Variants in TOP3A observed in about 807,000 individuals in gnomAD.
TOP3A encodes the protein DNA topoisomerase III alpha.
Under a neutral mutation model 111.3 loss-of-function variants are expected in TOP3A, and 64 were observed. The ratio of observed to expected loss-of-function variants is 0.57; its 90% CI spans 0.47 to 0.71. The LOEUF (loss-of-function observed/expected upper bound fraction) is 0.71. Among genes scored for constraint, TOP3A ranks in the 30% least tolerant of loss-of-function variants. TOP3A has a pLI of 0.00. For missense variants in TOP3A, 1,104 were observed against 1,285.0 expected (o/e 0.86, Z 2.15); for synonymous variants, 484 against 485.1 (o/e 1.00, Z 0.03).
In TOP3A at chr17:18,273,761, C is replaced by G. The variant is rs999244142; in HGVS notation, c.*1041G>C. Among the ~76,000 whole-genome samples the G allele has an allele frequency of 6.6e-6, 1 of 152,146 alleles. No individual in the cohort carries two copies. Among genetic ancestry groups the G allele is most frequent in the Non-Finnish European group, 1.5e-5 (1 of 68,020 alleles). ...CCTCCCACTTCAGCCTCCTGAGCAGCTGAACTAAAGACGTGTACAACTGTG... is the reference window on the plus strand; with the variant it reads ...CCTCCCACTTCAGCCTCCTGAGCAGGTGAACTAAAGACGTGTACAACTGTG... On this transcript the variant is annotated 3_prime_UTR_variant, in exon 19 of 19. Transcript: ENST00000321105.
chr17:18,308,246 A>C (rs1178974877), intron 3 of TOP3A, 105 bp downstream of exon 3: 2 of 295,176 alleles, frequency 6.8e-6, no homozygotes, highest in Admixed American at 6.7e-5. Flanking sequence ...AAAAAAAAAA[A>C]AAAAAAAAAA....
chr17:18,306,788 T>G (rs1981604553), intron 4 of TOP3A, 103 bp downstream of exon 4: 2 of 801,734 alleles, frequency 2.5e-6, no homozygotes, highest in Non-Finnish European at 4.1e-6. Context: ...GTGACTTTGG[T>G]GGAAAACCTT....
intron 5 of TOP3A, among the ~76,000 whole-genome samples, chr17:18,304,773 T>TA (rs1352619612): frequency 1.3e-5 from 2 of 152,226 alleles, no homozygotes; most frequent in African/African-American, 4.8e-5. Context: ...AAAAAGAATA[T>TA]AAAGTCCCTG....
chr17:18,285,402 C>T lies in TOP3A; in HGVS notation c.1711+5G>A. 1 of 1,614,068 alleles carries T rather than the reference C, an allele frequency of 6.2e-7. No homozygotes were observed. Among genetic ancestry groups the T allele is most frequent in the Non-Finnish European group, 8.5e-7 (1 of 1,179,970 alleles). On this transcript the variant is annotated splice_donor_5th_base_variant and intron_variant, in intron 14 of 18. Coordinates refer to ENST00000321105, the MANE Select transcript of TOP3A (RefSeq NM_004618.5). ...CTACCCACTGCAAGCTCTGTCCTCC[C>T]TTACCTTCCACAAGTCCCATGCCCA... is the stretch of plus-strand genomic sequence containing the variant.
At chr17:18,298,018 G>T (rs537842660) in intron 9 of TOP3A, among the ~76,000 whole-genome samples, 1 of 151,284 alleles carries the variant, frequency 6.6e-6, no homozygotes, top group African/African-American at 2.4e-5. Context: ...GGGAAGTGAG[G>T]AGCGTCTCTG....
At chr17:18,281,784 C>T (rs1005678460) in intron 16 of TOP3A, among the ~76,000 whole-genome samples, 11 of 152,152 alleles carry the variant, frequency 7.2e-5, no homozygotes, top group Non-Finnish European at 1.3e-4. Context: ...CTTTCTTATT[C>T]AGCAGCAAGG....
intron 13 of TOP3A, among the ~76,000 whole-genome samples, chr17:18,288,246 G>A (rs1199562176): frequency 2.7e-5 from 4 of 148,516 alleles, no homozygotes; most frequent in African/African-American, 7.4e-5. Context: ...TCCACCTCCC[G>A]GGTTCAAGCA....
chr17:18,292,472 C>A (rs1039757177), intron 11 of TOP3A, among the ~76,000 whole-genome samples, 173 bp downstream of exon 11: 1 of 152,078 alleles, frequency 6.6e-6, no homozygotes, highest in South Asian at 2.1e-4. Flanking sequence ...GGGCCCACCA[C>A]GGGGAGGGAT....
At chr17:18,314,566 A>C (rs771491479) in intron 1 of TOP3A, 33 bp downstream of exon 1, 1 of 1,583,078 alleles carries the variant, frequency 6.3e-7, no homozygotes, top group Non-Finnish European at 8.6e-7. Flanking sequence ...GCCTCCCTTA[A>C]GGCACGCAGC....
chr17:18,282,067 G>A (rs1359987849), intron 16 of TOP3A, among the ~76,000 whole-genome samples: 2 of 152,114 alleles, frequency 1.3e-5, no homozygotes, highest in Non-Finnish European at 2.9e-5. Context: ...TCCTCCAGTG[G>A]CCAGCCACTG....
chr17:18,314,525 T>G, intron 1 of TOP3A, 74 bp downstream of exon 1: 1 of 1,482,528 alleles, frequency 6.7e-7, no homozygotes. Context: ...ATCTCGATTC[T>G]TGGCGCCCAC....
At chr17:18,280,296 G>A in intron 17 of TOP3A, 1 of 358,074 alleles carries the variant, frequency 2.8e-6, no homozygotes, top group Non-Finnish European at 5.1e-6. Context: ...CAGGGAAAGA[G>A]CCCTTCATGG....
intron 1 of TOP3A, among the ~76,000 whole-genome samples, chr17:18,311,227 C>T (rs550736699): frequency 5.9e-4 from 90 of 152,150 alleles, no homozygotes; most frequent in Middle Eastern, 3.4e-3. Context: ...GTCTCAATCT[C>T]TTGACCTCAT....
chr17:18,286,347 CAAAAAAA>C (rs57468944), intron 13 of TOP3A, among the ~76,000 whole-genome samples: 2 of 118,514 alleles, frequency 1.7e-5, no homozygotes, highest in African/African-American at 3.2e-5. Flanking sequence ...ACTAAAAATA[CAAAAAAA>C]AAAAAAAAAA....
chr17:18,282,669 G>A (rs1235219175), intron 16 of TOP3A, 29 bp downstream of exon 16: 2 of 1,612,216 alleles, frequency 1.2e-6, no homozygotes, highest in Non-Finnish European at 1.7e-6. Context: ...CTGGGGAGCA[G>A]AGGTGGGGGC....
Position 18,274,678 on chromosome 17 carries a change from C to T in TOP3A, c.*124G>A, listed in dbSNP as rs942489371. The T allele has an allele frequency of 3.4e-6, 5 of 1,470,358 alleles. No individual in the cohort carries two copies. In the African/African-American group the frequency reaches 7.2e-5, roughly 21 times the overall value. The allele number at this position is 1,470,358 out of a possible 1,614,324, so 91.1% of individuals were successfully genotyped here. A position where few individuals can be genotyped will look rare whatever the true frequency, so the allele number is the denominator to read the frequency against. ...CCCCTTAACACAAGAAGGCCCGACT[C>T]CAAAGGCCAACACTGTCCTCTAAGT... On this transcript the variant is annotated 3_prime_UTR_variant, in exon 19 of 19. Coordinates refer to ENST00000321105, the MANE Select transcript of TOP3A (RefSeq NM_004618.5).
At chr17:18,310,614 TGAG>T (rs1981853315) in intron 1 of TOP3A, among the ~76,000 whole-genome samples, 1 of 151,892 alleles carries the variant, frequency 6.6e-6, no homozygotes, top group Admixed American at 6.6e-5. Flanking sequence ...TGTGAGGGGC[TGAG>T]GAGAGGGTAA....
intron 7 of TOP3A, 78 bp from the exon 8 acceptor site, chr17:18,302,063 G>A: frequency 6.8e-7 from 1 of 1,468,490 alleles, no homozygotes; most frequent in Non-Finnish European, 9.4e-7. Context: ...AAGGTTTATT[G>A]TGGTGAAAGT....
Position 18,274,703 on chromosome 17 carries a change from T to C in TOP3A, c.*99A>G, listed in dbSNP as rs554316753. 29 of 1,522,638 alleles carry C rather than the reference T, an allele frequency of 1.9e-5. No individual in the cohort carries two copies. In the South Asian group the frequency reaches 3.7e-4, roughly 19 times the overall value. The allele number at this position is 1,522,638 out of a possible 1,614,324, so 94.3% of individuals were successfully genotyped here. A position where few individuals can be genotyped will look rare whatever the true frequency, so the allele number is the denominator to read the frequency against. On this transcript the variant is annotated 3_prime_UTR_variant, in exon 19 of 19. Transcript: ENST00000321105. ...CCAAAGGCCAACACTGTCCTCTAAG[T>C]TTCCAGGACACTAAATGGCCACTTG...
Sources: allele counts gnomAD v4.1 joint callset (sites outside exome capture counted in the v4.1 genomes callset), GRCh38; gene constraint gnomAD v4.1.1; transcripts MANE v1.5; gene names NCBI Gene and HGNC (gene_info 2026-07-23, HGNC 2026-07-21).